Variants in TRIO observed in about 807,000 individuals in gnomAD.
TRIO encodes triple functional domain protein.
A neutral mutation model predicts 351.9 loss-of-function variants in TRIO; 58 were observed. The observed-to-expected ratio is 0.16, with a 90% CI of 0.13 to 0.21. The LOEUF is 0.21. Ranked by LOEUF, TRIO falls within the 10% of genes least tolerant of loss-of-function variation. The pLI, the probability that TRIO is intolerant of heterozygous loss-of-function variation, is 1.00. For synonymous variants in TRIO, 1,758 were observed against 1,595.7 expected, an observed-to-expected ratio of 1.10 and a Z score of -2.42; for missense variants, 3,201 against 4,027.8, an observed-to-expected ratio of 0.79 and a Z score of 5.56.
chr5:14,186,475 G>C (rs748389060), intron 1 of TRIO, among the ~76,000 whole-genome samples: 39 of 152,202 alleles, frequency 2.6e-4, no homozygotes, highest in Non-Finnish European at 1.9e-4. Context: ...TTGCTGTGGT[G>C]GGTGGGCAGG....
intron 1 of TRIO, among the ~76,000 whole-genome samples, chr5:14,253,620 G>C (rs571144227): frequency 6.6e-6 from 1 of 152,132 alleles, no homozygotes; most frequent in Admixed American, 6.5e-5. Context: ...ATTGATTACG[G>C]GCATGAACTC....
chr5:14,349,992 A>G (rs1489583646), intron 11 of TRIO, among the ~76,000 whole-genome samples: 1 of 152,142 alleles, frequency 6.6e-6, no homozygotes, highest in Non-Finnish European at 1.5e-5. Flanking sequence ...TTTTCTGTTC[A>G]TGCATTAGTT....
rs112690451 is a variant in TRIO at position 14,347,067 on chromosome 5, C to A, written c.2046+10340C>A. On this transcript the variant is annotated intron_variant, in intron 11 of 56. Coordinates refer to ENST00000344204, the MANE Select transcript of TRIO (RefSeq NM_007118.4). Reference sequence around the variant, plus strand: ...GAGGTCCTGCAGAACAGAGATGATGCTGGACCAGTCATCTCAGGCGGACCT... The same window carrying A: ...GAGGTCCTGCAGAACAGAGATGATGATGGACCAGTCATCTCAGGCGGACCT... 4.3e-4 allele frequency among the ~76,000 whole-genome samples: 63 copies of A among 147,146 alleles called. 2 individuals are homozygous for A. In the South Asian group the frequency reaches 6.5e-3, roughly 15 times the overall value.
chr5:14,186,822 C>G (rs941670931), intron 1 of TRIO, among the ~76,000 whole-genome samples: 10 of 152,116 alleles, frequency 6.6e-5, no homozygotes, highest in African/African-American at 2.4e-4. Flanking sequence ...AGGTGATCCA[C>G]CTGTCTCGGC....
chr5:14,316,822 G>T (rs1461567542), intron 9 of TRIO, 79 bp downstream of exon 9: 1 of 1,431,594 alleles, frequency 7.0e-7, no homozygotes, highest in Non-Finnish European at 9.5e-7. Flanking sequence ...ATATTGGGAA[G>T]ATCTGTGCTT....
chr5:14,220,548 T>C (rs1792552633), intron 1 of TRIO, among the ~76,000 whole-genome samples: 1 of 152,236 alleles, frequency 6.6e-6, no homozygotes, highest in Non-Finnish European at 1.5e-5. Context: ...AAGCTAGGCC[T>C]CTTGTGCCAA....
chr5:14,292,227 C>T (rs1455667141), intron 5 of TRIO, among the ~76,000 whole-genome samples: 1 of 152,202 alleles, frequency 6.6e-6, no homozygotes, highest in African/African-American at 2.4e-5. Flanking sequence ...GTTTTTATTA[C>T]TAAAGCTTTT....
In TRIO at chr5:14,194,952, T is replaced by TC. The variant is rs377739004; in HGVS notation, c.157+51071dup. 1.2e-3 allele frequency among the ~76,000 whole-genome samples: 182 copies of TC among 152,354 alleles called. 1 individual carries two copies. Among genetic ancestry groups the TC allele is most frequent in the African/African-American group, 4.2e-3 (175 of 41,586 alleles). On this transcript the variant is annotated intron_variant, in intron 1 of 56. Transcript: ENST00000344204. ...GTATCACCTAGATAAACTTTTTTTT[T>TC]CTGAAACATTTATAATTAAGGCAGA...
intron 18 of TRIO, among the ~76,000 whole-genome samples, chr5:14,372,062 A>G (rs955396386): frequency 6.6e-6 from 1 of 152,104 alleles, no homozygotes; most frequent in Admixed American, 6.5e-5. Context: ...TTTCATTACT[A>G]TTTATTAATT....
chr5:14,415,121 C>T (rs571090239), intron 33 of TRIO, among the ~76,000 whole-genome samples: 4 of 152,294 alleles, frequency 2.6e-5, no homozygotes, highest in South Asian at 2.1e-4. Context: ...TAGGCTGTGA[C>T]GGTTCACGGG....
Position 14,387,815 on chromosome 5 carries a change from T to C in TRIO, c.3849T>C (p.Asn1283=). Residue 1283 remains asparagine, a synonymous_variant, in exon 23 of 57, where the codon AAT becomes AAC. Coordinates refer to ENST00000344204, the MANE Select transcript of TRIO (RefSeq NM_007118.4). ...VKLRDAAHEL[N]EEKRKSARRK... Reference sequence around the variant, plus strand: ...TTCGAGATGCTGCTCATGAACTTAATGAAGAGAAGCGGAAATCTGCCCGCA... The same window carrying C: ...TTCGAGATGCTGCTCATGAACTTAACGAAGAGAAGCGGAAATCTGCCCGCA... 3.1e-6 allele frequency: 5 copies of C among 1,614,188 alleles called. No homozygotes were observed. The highest frequency in any genetic ancestry group is 3.4e-6 in the Non-Finnish European group (4 of 1,180,038).
chr5:14,160,632 A>C (rs1330987587), intron 1 of TRIO, among the ~76,000 whole-genome samples: 2 of 152,250 alleles, frequency 1.3e-5, no homozygotes, highest in Non-Finnish European at 2.9e-5. Context: ...AAGATGATCA[A>C]CTAGCTCAAG....
rs147642825 is a variant in TRIO at position 14,339,322 on chromosome 5, T to C, written c.2046+2595T>C. On this transcript the variant is annotated intron_variant, in intron 11 of 56. Transcript: ENST00000344204. ...GCAGTGTTTTTAAGGAACAATCTTC[T>C]AATAAGAGCATCCACTTATAAGACC... Among the ~76,000 whole-genome samples the C allele has an allele frequency of 1.7e-4, 26 of 152,342 alleles. No homozygotes were observed. The East Asian group carries it at 4.8e-3, about 28-fold the overall frequency.
intron 33 of TRIO, among the ~76,000 whole-genome samples, chr5:14,407,936 A>G (rs1748865831): frequency 6.6e-6 from 1 of 152,198 alleles, no homozygotes; most frequent in South Asian, 2.1e-4. Context: ...AAAAATTGAC[A>G]GTAAATAGGG....
At chr5:14,219,638 G>A (rs1020645312) in intron 1 of TRIO, among the ~76,000 whole-genome samples, 3 of 152,190 alleles carry the variant, frequency 2.0e-5, no homozygotes, top group Non-Finnish European at 4.4e-5. Flanking sequence ...GTCTTCTGCT[G>A]TGATGAGGAA....
chr5:14,151,907 G>C (rs900971018), intron 1 of TRIO, among the ~76,000 whole-genome samples: 2 of 152,176 alleles, frequency 1.3e-5, no homozygotes, highest in African/African-American at 4.8e-5. Flanking sequence ...GGGCCTGCAG[G>C]AATAGCATTA....
intron 1 of TRIO, among the ~76,000 whole-genome samples, chr5:14,214,776 A>G (rs1240394058): frequency 6.6e-6 from 1 of 152,258 alleles, no homozygotes; most frequent in Non-Finnish European, 1.5e-5. Context: ...GACATCAGTC[A>G]GTGTACGTGT....
intron 53 of TRIO, 103 bp from the exon 54 acceptor site, chr5:14,502,476 G>A: frequency 1.8e-6 from 2 of 1,108,450 alleles, no homozygotes; most frequent in Non-Finnish European, 1.3e-6. Context: ...CAGGTGCCCG[G>A]TGGCCACGCG....
At chr5:14,412,194 G>C (rs1211959736) in intron 33 of TRIO, among the ~76,000 whole-genome samples, 1 of 151,870 alleles carries the variant, frequency 6.6e-6, no homozygotes, top group Non-Finnish European at 1.5e-5. Flanking sequence ...TGCCATGTTG[G>C]CCAGGCTGGT....
Sources: gnomAD v4.1 joint callset for allele counts (sites outside exome capture counted in the v4.1 genomes callset) on GRCh38, gnomAD v4.1.1 for gene constraint, MANE v1.5 for transcripts, NCBI Gene and HGNC (gene_info 2026-07-23, HGNC 2026-07-21) for gene names.